CHODL: variants seen among roughly 807,000 people sequenced by gnomAD.
CHODL encodes chondrolectin, also known as transmembrane protein MT75.
CHODL carries 29 observed loss-of-function variants against 34.5 expected under a neutral mutation model. That is an observed-to-expected ratio of 0.84 (90% confidence interval 0.63 to 1.15). The LOEUF is 1.15. CHODL is among the 50% of genes most tolerant of loss of function. The pLI is 0.00. For missense variants in CHODL, 332 were observed against 332.5 expected, an observed-to-expected ratio of 1.00 and a Z score of 0.01; for synonymous variants, 125 against 116.1, an observed-to-expected ratio of 1.08 and a Z score of -0.49.
intron 1 of CHODL, among the ~76,000 whole-genome samples, chr21:17,933,945 G>A (rs930355581): frequency 1.3e-5 from 2 of 151,716 alleles, no homozygotes; most frequent in African/African-American, 4.8e-5. Context: ...AGGCTGAGAC[G>A]AGAATCACTT....
At chr21:17,976,738 T>G (rs1221962981) in intron 1 of CHODL, among the ~76,000 whole-genome samples, 1 of 152,220 alleles carries the variant, frequency 6.6e-6, no homozygotes, top group Non-Finnish European at 1.5e-5. Flanking sequence ...TTTTTAAATA[T>G]ATTCTTTGTT....
intron 5 of CHODL, among the ~76,000 whole-genome samples, chr21:18,264,392 G>A (rs577499892): frequency 1.3e-5 from 2 of 151,954 alleles, no homozygotes; most frequent in Non-Finnish European, 2.9e-5. Flanking sequence ...ATCTGAGGTC[G>A]GGAGTTTGAT....
chr21:17,947,223 A>C (rs113017303), intron 1 of CHODL, among the ~76,000 whole-genome samples: 22 of 152,262 alleles, frequency 1.4e-4, no homozygotes, highest in African/African-American at 5.3e-4. Flanking sequence ...AAACTTTACA[A>C]ATACCTTATA....
chr21:18,156,209 T>A (rs2073033244), intron 2 of CHODL, among the ~76,000 whole-genome samples: 1 of 152,230 alleles, frequency 6.6e-6, no homozygotes, highest in Non-Finnish European at 1.5e-5. Flanking sequence ...GCAACTTACG[T>A]TCAATCAATT....
intron 1 of CHODL, among the ~76,000 whole-genome samples, chr21:18,022,712 C>G (rs1026913250): frequency 6.6e-6 from 1 of 152,190 alleles, no homozygotes; most frequent in Non-Finnish European, 1.5e-5. Context: ...TTATTTCACT[C>G]TTATTCCTTT....
chr21:18,182,698 T>G (rs1185999897), intron 2 of CHODL, among the ~76,000 whole-genome samples: 1 of 152,156 alleles, frequency 6.6e-6, no homozygotes, highest in Admixed American at 6.5e-5. Context: ...GGAAAAAAAT[T>G]TATGCCCAAT....
At chr21:18,248,025 T>G (rs1238363460) in intron 1 of CHODL, among the ~76,000 whole-genome samples, 1 of 151,216 alleles carries the variant, frequency 6.6e-6, no homozygotes, top group Non-Finnish European at 1.5e-5. Context: ...TTTTTTTCCT[T>G]TTTTCTTTCT....
intron 2 of CHODL, among the ~76,000 whole-genome samples, chr21:18,073,835 T>C (rs1274826790): frequency 9.9e-5 from 15 of 152,114 alleles, no homozygotes; most frequent in Admixed American, 7.9e-4. Context: ...ATGTAACTTA[T>C]TACATACTAT....
chr21:18,088,507 C>A (rs982234850), intron 2 of CHODL, among the ~76,000 whole-genome samples: 2 of 152,176 alleles, frequency 1.3e-5, no homozygotes, highest in African/African-American at 4.8e-5. Context: ...ATGTGTCAGA[C>A]CCAGTGGGTC....
intron 1 of CHODL, among the ~76,000 whole-genome samples, chr21:17,983,867 C>T (rs973775852): frequency 1.3e-5 from 2 of 151,740 alleles, no homozygotes; most frequent in African/African-American, 4.9e-5. Context: ...TGTGCAACAC[C>T]TCCCAGTTTC....
chr21:18,033,286 G>A (rs2064269498), intron 2 of CHODL, among the ~76,000 whole-genome samples: 1 of 152,046 alleles, frequency 6.6e-6, no homozygotes, highest in Admixed American at 6.6e-5. Flanking sequence ...CTGGTACACT[G>A]AGTGAGGTAG....
chr21:17,938,842 C>T (rs1336513868), intron 1 of CHODL, among the ~76,000 whole-genome samples: 3 of 152,112 alleles, frequency 2.0e-5, no homozygotes, highest in Non-Finnish European at 2.9e-5. Context: ...GGCATACAAA[C>T]ATGTGGGCAC....
chr21:18,244,336 A>G (rs1162353335), upstream of CHODL, among the ~76,000 whole-genome samples: 1 of 152,232 alleles, frequency 6.6e-6, no homozygotes, highest in Non-Finnish European at 1.5e-5. Flanking sequence ...TCGTCAAACA[A>G]CCTGCTTGGA....
chr21:18,245,818 G>A, intron 1 of CHODL: 3 of 1,124,188 alleles, frequency 2.7e-6, no homozygotes, highest in South Asian at 2.8e-5. Flanking sequence ...TTTGTTCTCA[G>A]CAGGACTACT....
chr21:18,172,268 T>G (rs533345446), intron 2 of CHODL, among the ~76,000 whole-genome samples: 1 of 152,206 alleles, frequency 6.6e-6, no homozygotes, highest in Non-Finnish European at 1.5e-5. Flanking sequence ...CTTAGGAAAA[T>G]GTTATTCACA....
intron 1 of CHODL, among the ~76,000 whole-genome samples, chr21:18,254,718 GTCTATCTA>G (rs72351505): frequency 6.6e-6 from 1 of 152,010 alleles, no homozygotes; most frequent in African/African-American, 2.4e-5. Flanking sequence ...TTTATCGTCT[GTCTATCTA>G]TCTATCTAAT....
At chr21:18,092,058 G>GT (rs2065080404) in intron 2 of CHODL, among the ~76,000 whole-genome samples, 1 of 152,194 alleles carries the variant, frequency 6.6e-6, no homozygotes, top group Non-Finnish European at 1.5e-5. Context: ...CTTGGGCAAG[G>GT]TCCAGTGCTG....
intron 2 of CHODL, among the ~76,000 whole-genome samples, chr21:18,152,185 G>A (rs1375313960): frequency 6.6e-6 from 1 of 152,168 alleles, no homozygotes; most frequent in South Asian, 2.1e-4. Flanking sequence ...AGCCAAACCA[G>A]GGTTTTAGTC....
At chr21:18,097,910 T>G (rs768688695) in intron 2 of CHODL, among the ~76,000 whole-genome samples, 2 of 151,938 alleles carry the variant, frequency 1.3e-5, no homozygotes, top group Admixed American at 6.6e-5. Context: ...CAGATACAAA[T>G]TCACACACCT....
Sources: gnomAD v4.1 joint callset for allele counts (sites outside exome capture counted in the v4.1 genomes callset) on GRCh38, gnomAD v4.1.1 for gene constraint, MANE v1.5 for transcripts, NCBI Gene and HGNC (gene_info 2026-07-23, HGNC 2026-07-21) for gene names.